Variants in UBE2W observed in about 807,000 individuals in gnomAD.
The protein encoded by UBE2W is ubiquitin conjugating enzyme E2 W.
Under a neutral mutation model 27.2 loss-of-function variants are expected in UBE2W, and 18 were observed. The ratio of observed to expected loss-of-function variants is 0.66; its 90% confidence interval spans 0.46 to 0.98. The LOEUF (loss-of-function observed/expected upper bound fraction) is 0.98. Among genes scored for constraint, UBE2W ranks in the 50% least tolerant of loss-of-function variants. The pLI, the probability that UBE2W is intolerant of heterozygous loss-of-function variation, is 0.00. For synonymous variants in UBE2W, 53 were observed against 57.2 expected, an observed-to-expected ratio of 0.93 and a Z score of 0.33; for missense variants, 90 against 180.2, an observed-to-expected ratio of 0.50 and a Z score of 2.87.
chr8:73,805,176 G>A (rs1457038422), intron 5 of UBE2W, among the ~76,000 whole-genome samples: 1 of 151,300 alleles, frequency 6.6e-6, no homozygotes, highest in Non-Finnish European at 1.5e-5. Flanking sequence ...GTGTAGTGCT[G>A]GGCGTGGTGG....
In UBE2W at chr8:73,822,602, C is replaced by CAAAAAAAAAAAAAAAAAAAA. The variant is rs67427702; in HGVS notation, c.210+2525_210+2544dup. 3.9e-5 allele frequency among the ~76,000 whole-genome samples: 2 copies of CAAAAAAAAAAAAAAAAAAAA among 51,224 alleles called. 1 individual carries two copies. Among genetic ancestry groups the CAAAAAAAAAAAAAAAAAAAA allele is most frequent in the Non-Finnish European group, 7.2e-5 (2 of 27,642 alleles). 33.6% of individuals were successfully genotyped at this position (51,224 alleles called of 152,430 possible). The stretch of plus-strand genomic sequence containing the variant: ...TTCACTCTATTAAATCTTGCAACTG[C>CAAAAAAAAAAAAAAAAAAAA]AAAAAAAAAAAAAAAAAAAAAAAAA... On this transcript the variant is annotated intron_variant, in intron 3 of 5. Transcript: ENST00000602593.
chr8:73,827,167 T>A (rs965926541), intron 2 of UBE2W, among the ~76,000 whole-genome samples: 1 of 152,168 alleles, frequency 6.6e-6, no homozygotes, highest in African/African-American at 2.4e-5. Flanking sequence ...GACATGCAGA[T>A]ACTGACACGA....
rs1295474077 is a variant in UBE2W, at chr8:73,793,396, AAATT to A, written c.*702_*705del. 1 of 985,726 alleles carries A rather than the reference AAATT, an allele frequency of 1.0e-6. No homozygotes were observed. Among genetic ancestry groups the A allele is most frequent in the African/African-American group, 1.7e-5 (1 of 57,232 alleles). 61.1% of individuals were successfully genotyped at this position (985,726 alleles called of 1,614,324 possible). A position where few individuals can be genotyped will look rare whatever the true frequency, so the allele number is the denominator to read the frequency against. On this transcript the variant is annotated 3_prime_UTR_variant, in exon 6 of 6. Transcript: ENST00000602593. ...CAGAGATTGAGGAACTATATACAAC[AAATT>A]AATTTATTTTCACCATAGGGATAAC...
chr8:73,845,163 T>G (rs563027420), intron 1 of UBE2W, among the ~76,000 whole-genome samples: 1 of 152,014 alleles, frequency 6.6e-6, no homozygotes, highest in Non-Finnish European at 1.5e-5. Flanking sequence ...CCGCCCTGTC[T>G]GTGAAGTGAG....
chr8:73,845,896 T>A (rs943029888), intron 1 of UBE2W, among the ~76,000 whole-genome samples: 2 of 150,892 alleles, frequency 1.3e-5, no homozygotes, highest in Non-Finnish European at 3.0e-5. Flanking sequence ...AAACTAAGTT[T>A]AAAAAAAAAT....
At chr8:73,842,715 T>C (rs908447680) in intron 1 of UBE2W, among the ~76,000 whole-genome samples, 1 of 151,994 alleles carries the variant, frequency 6.6e-6, no homozygotes, top group Non-Finnish European at 1.5e-5. Flanking sequence ...CAAAAACACA[T>C]TCAATTATTT....
chr8:73,853,225 T>A (rs1320386626), intron 1 of UBE2W, among the ~76,000 whole-genome samples: 1 of 152,228 alleles, frequency 6.6e-6, no homozygotes, highest in Non-Finnish European at 1.5e-5. Flanking sequence ...ATTAAATTTC[T>A]GTTGTTTATA....
chr8:73,832,928 G>T (rs954506111), intron 1 of UBE2W, among the ~76,000 whole-genome samples: 1 of 152,046 alleles, frequency 6.6e-6, no homozygotes, highest in Non-Finnish European at 1.5e-5. Context: ...TGTGGCTCAC[G>T]CCTGTAATCC....
intron 1 of UBE2W, among the ~76,000 whole-genome samples, chr8:73,833,582 A>G (rs1195834163): frequency 6.6e-6 from 1 of 152,136 alleles, no homozygotes; most frequent in Non-Finnish European, 1.5e-5. Context: ...GCTTATTTGT[A>G]CAGCTTTTAT....
chr8:73,878,005 CAA>C (rs147985685), intron 1 of UBE2W, among the ~76,000 whole-genome samples: 10,494 of 152,222 alleles, frequency 0.069, 485 homozygotes, highest in Middle Eastern at 0.15. Flanking sequence ...GGAATAAGGG[CAA>C]AGAGATGTAT....
chr8:73,803,594 T>C (rs1221983966), intron 5 of UBE2W, among the ~76,000 whole-genome samples: 4 of 152,198 alleles, frequency 2.6e-5, no homozygotes, highest in African/African-American at 7.2e-5. Flanking sequence ...GGATTTGTAA[T>C]GAACTCCATC....
intron 1 of UBE2W, among the ~76,000 whole-genome samples, chr8:73,874,308 G>C (rs1812126808): frequency 6.6e-6 from 1 of 152,166 alleles, no homozygotes; most frequent in African/African-American, 2.4e-5. Flanking sequence ...GCAGGCGCCT[G>C]TAGTCCCAGC....
chr8:73,870,937 CAG>C (rs1406936864), intron 1 of UBE2W, among the ~76,000 whole-genome samples: 1 of 150,710 alleles, frequency 6.6e-6, no homozygotes, highest in Non-Finnish European at 1.5e-5. Context: ...AATAAGGCTA[CAG>C]AGACATGAGT....
intron 1 of UBE2W, among the ~76,000 whole-genome samples, chr8:73,869,753 A>G (rs911074296): frequency 2.0e-5 from 3 of 152,078 alleles, no homozygotes; most frequent in Non-Finnish European, 2.9e-5. Flanking sequence ...AGTACCAGCT[A>G]TTACGGAGGC....
intron 4 of UBE2W, among the ~76,000 whole-genome samples, chr8:73,807,694 T>C (rs1808975427): frequency 1.3e-5 from 2 of 152,178 alleles, no homozygotes; most frequent in South Asian, 4.1e-4. Context: ...GAGCAGATAC[T>C]TTCACAAACT....
intron 1 of UBE2W, among the ~76,000 whole-genome samples, chr8:73,874,847 G>A (rs1489329840): frequency 2.0e-5 from 3 of 152,176 alleles, no homozygotes; most frequent in African/African-American, 7.2e-5. Flanking sequence ...GTGACTGCTT[G>A]AGCCCAGGAG....
chr8:73,805,454 CAAAA>C (rs1162712227), intron 5 of UBE2W, among the ~76,000 whole-genome samples, 193 bp downstream of exon 5: 1 of 14,580 alleles, frequency 6.9e-5, no homozygotes, highest in African/African-American at 2.1e-4. Flanking sequence ...AACTCCATCT[CAAAA>C]AAAAAAAAAA....
At position 73,791,882 on chromosome 8, in the gene UBE2W, T is replaced by A. The variant is rs1808217492; in HGVS notation, c.*2220A>T. The A allele has an allele frequency of 1.0e-6, 1 of 984,654 alleles. No individual in the cohort carries two copies. The highest frequency in any genetic ancestry group is 4.7e-5 in the South Asian group (1 of 21,276). 61.0% of individuals were successfully genotyped at this position (984,654 alleles called of 1,614,324 possible). A position where few individuals can be genotyped will look rare whatever the true frequency, so the allele number is the denominator to read the frequency against. Reference sequence around the variant, plus strand: ...ATTTATATGTAGAGAGAGAGGTATGTTAAAATATTGTCATAAAAAACTCAA... The same window carrying A: ...ATTTATATGTAGAGAGAGAGGTATGATAAAATATTGTCATAAAAAACTCAA... On this transcript the variant is annotated 3_prime_UTR_variant, in exon 6 of 6. Coordinates refer to ENST00000602593, the MANE Select transcript of UBE2W (RefSeq NM_018299.6).
Position 73,787,659 on chromosome 8 carries a change from G to A in UBE2W, c.*6443C>T, listed in dbSNP as rs557663421. On this transcript the variant is annotated 3_prime_UTR_variant, in exon 6 of 6. Transcript: ENST00000602593. Reference sequence around the variant, plus strand: ...CCTCCTGTCAGGAATAACAGATGCTGAGATAGCCCCTTCTTGTGGTTATTT... The same window carrying A: ...CCTCCTGTCAGGAATAACAGATGCTAAGATAGCCCCTTCTTGTGGTTATTT... 9.3e-5 allele frequency: 92 copies of A among 985,426 alleles called. 2 individuals carry two copies. The African/African-American group carries it at 1.4e-3, about 15-fold the overall frequency. The allele number at this position is 985,426 out of a possible 1,614,324, so 61.0% of individuals were successfully genotyped here. A position where few individuals can be genotyped will look rare whatever the true frequency, so the allele number is the denominator to read the frequency against.
Sources: gnomAD v4.1 joint callset for allele counts (sites outside exome capture counted in the v4.1 genomes callset) on GRCh38, gnomAD v4.1.1 for gene constraint, MANE v1.5 for transcripts, NCBI Gene and HGNC (gene_info 2026-07-23, HGNC 2026-07-21) for gene names.